The following UBN2 variants were observed in gnomAD, a reference collection of about 807,000 sequenced individuals.
UBN2 encodes the protein ubinuclein-2.
Under a neutral mutation model 120.2 loss-of-function variants are expected in UBN2, and 35 were observed. That is an observed-to-expected ratio of 0.29 (90% CI 0.22 to 0.39). UBN2 has a LOEUF of 0.39. Ranked by LOEUF, UBN2 falls within the 10% of genes least tolerant of loss-of-function variation. The probability of loss-of-function intolerance (pLI) is 1.00; values close to 1 mark genes in which losing one functional copy is unlikely to be tolerated. For missense variants in UBN2, 1,693 were observed against 1,663.2 expected, an observed-to-expected ratio of 1.02 and a Z score of -0.31; for synonymous variants, 661 against 648.7, an observed-to-expected ratio of 1.02 and a Z score of -0.29.
chr7:139,238,491 T>C (rs1264355871), intron 2 of UBN2, among the ~76,000 whole-genome samples: 1 of 152,208 alleles, frequency 6.6e-6, no homozygotes, highest in African/African-American at 2.4e-5. Context: ...TGGTGTGATC[T>C]TGGCTCACTG....
chr7:139,322,314 A>C, the UBN2 span, among the ~76,000 whole-genome samples: 2 of 151,988 alleles, frequency 1.3e-5, no homozygotes, highest in Non-Finnish European at 2.9e-5. Context: ...AAACAAAAAA[A>C]CTCTTTAACC....
At position 139,231,243 on chromosome 7, in the gene UBN2, C is replaced by G. The variant is rs1795996773; in HGVS notation, c.-242C>G. Among the ~76,000 whole-genome samples the G allele has an allele frequency of 6.6e-6, 1 of 152,248 alleles. No homozygotes were observed. Among genetic ancestry groups the G allele is most frequent in the African/African-American group, 2.4e-5 (1 of 41,478 alleles). ...CATGCGCCCGCTCAGCGGCCTGCTT[C>G]TATTTATGTGGGGGATCCAACATGG... On this transcript the variant is annotated 5_prime_UTR_variant, in exon 1 of 18. Coordinates refer to ENST00000473989, the MANE Select transcript of UBN2 (RefSeq NM_173569.4).
the UBN2 span, among the ~76,000 whole-genome samples, chr7:139,326,924 T>C: frequency 1.3e-5 from 2 of 152,334 alleles, no homozygotes; most frequent in Middle Eastern, 6.8e-3. Context: ...TTGGGTGAGG[T>C]TGTTGGCTGT....
At chr7:139,276,168 G>A (rs1401607678) in intron 12 of UBN2, 21 bp downstream of exon 12, 4 of 1,610,720 alleles carry the variant, frequency 2.5e-6, no homozygotes, top group Non-Finnish European at 3.4e-6. Context: ...GCAGACTCCA[G>A]ATTGCTTCAT....
In UBN2 at chr7:139,269,487, A is replaced by G. The variant is rs781090562; in HGVS notation, c.1560A>G (p.Leu520=). 6 of 1,614,046 alleles carry G rather than the reference A, an allele frequency of 3.7e-6. No homozygotes were observed. Among genetic ancestry groups the G allele is most frequent in the Non-Finnish European group, 4.2e-6 (5 of 1,180,034 alleles). The change falls in exon 8 of 18, where the codon CTA becomes CTG. Residue 520 remains leucine (L), a synonymous_variant. Transcript: ENST00000473989. ...TTGTGCCATGCAATAAAGAAACACTAGTAAAACGTCTGAAGAAGTTACATC... is the reference window on the plus strand; with the variant it reads ...TTGTGCCATGCAATAAAGAAACACTGGTAAAACGTCTGAAGAAGTTACATC... The part of the protein sequence containing the change: ...EAFVPCNKET[L]VKRLKKLHLN...
chr7:139,313,260 AG>A, the UBN2 span, among the ~76,000 whole-genome samples: 1 of 152,132 alleles, frequency 6.6e-6, no homozygotes, highest in Admixed American at 6.5e-5. Context: ...AGAATCTTTA[AG>A]TTACAGATTT....
chr7:139,297,782 C>A lies in UBN2; in HGVS notation c.3995-5C>A. On this transcript the variant is annotated splice_region_variant and splice_polypyrimidine_tract_variant and intron_variant, in intron 17 of 17. Transcript: ENST00000473989. The stretch of plus-strand genomic sequence containing the variant: ...CCATACCAATTTAACGTCTCTTTTT[C>A]TCAGATGGAGGCCAAAGTAAAGGGG... 6.2e-7 allele frequency: 1 copy of A among 1,613,870 alleles called. No homozygotes were observed. Among genetic ancestry groups the A allele is most frequent in the South Asian group, 1.1e-5 (1 of 91,070 alleles).
intron 8 of UBN2, among the ~76,000 whole-genome samples, chr7:139,270,058 A>G (rs562475382): frequency 3.9e-4 from 60 of 152,126 alleles, no homozygotes; most frequent in Middle Eastern, 3.4e-3. Flanking sequence ...AAGTTATTTA[A>G]TATCCCTTTG....
At chr7:139,264,358 T>C (rs756856521) in intron 6 of UBN2, among the ~76,000 whole-genome samples, 3 of 152,180 alleles carry the variant, frequency 2.0e-5, no homozygotes, top group Non-Finnish European at 4.4e-5. Context: ...AGCTGGATCA[T>C]TGACTGTATT....
At chr7:139,237,119 CT>C in intron 2 of UBN2, 22 bp downstream of exon 2, 2 of 1,552,752 alleles carry the variant, frequency 1.3e-6, no homozygotes, top group Non-Finnish European at 1.8e-6. Context: ...AAACTGATCA[CT>C]TAGGTAATTT....
chr7:139,312,513 G>A (rs1321065266), downstream of UBN2, among the ~76,000 whole-genome samples: 1 of 152,166 alleles, frequency 6.6e-6, no homozygotes, highest in Admixed American at 6.5e-5. Context: ...TGTCAACTGC[G>A]TGTTGATCTT....
chr7:139,247,653 G>A (rs1203807295), intron 2 of UBN2, among the ~76,000 whole-genome samples: 2 of 152,146 alleles, frequency 1.3e-5, no homozygotes, highest in East Asian at 1.9e-4. Flanking sequence ...TTAGCATTCA[G>A]TGAATGGTAG....
At chr7:139,270,181 A>T (rs1321965952) in intron 8 of UBN2, among the ~76,000 whole-genome samples, 1 of 152,204 alleles carries the variant, frequency 6.6e-6, no homozygotes, top group African/African-American at 2.4e-5. Context: ...TCATATATAT[A>T]AAGAAATACT....
the UBN2 span, among the ~76,000 whole-genome samples, chr7:139,329,819 A>G: frequency 6.6e-6 from 1 of 152,136 alleles, no homozygotes; most frequent in African/African-American, 2.4e-5. Context: ...AGCACCAACA[A>G]ACTGAGAATG....
Position 139,273,358 on chromosome 7 carries a change from G to A in UBN2, c.1777G>A (p.Gly593Arg). Reference sequence around the variant, plus strand: ...TGAAGAGGATGATGATGAGAAACCAGGAAAACGTGTCATAGGACCAAGAAA... The same window carrying A: ...TGAAGAGGATGATGATGAGAAACCAAGAAAACGTGTCATAGGACCAAGAAA... ...GSEEDDDEKP[G>R]KRVIGPRKKF... The change falls in exon 10 of 18, where the codon GGA becomes AGA. Residue 593 changes from glycine (G) to arginine (R), a missense_variant. Physicochemically the swap from Gly to Arg is moderately radical, Grantham distance 125. Transcript: ENST00000473989. 6.2e-7 allele frequency: 1 copy of A among 1,609,746 alleles called. No individual in the cohort carries two copies. Among genetic ancestry groups the A allele is most frequent in the Non-Finnish European group, 8.5e-7 (1 of 1,177,582 alleles).
intron 4 of UBN2, 128 bp from the exon 5 acceptor site, chr7:139,259,139 G>A (rs1796852481): frequency 1.5e-6 from 2 of 1,369,406 alleles, no homozygotes; most frequent in South Asian, 1.6e-5. Context: ...CCAAGGATCT[G>A]CAGTTATAAC....
chr7:139,272,690 C>T (rs1797318450), intron 9 of UBN2, among the ~76,000 whole-genome samples: 1 of 152,030 alleles, frequency 6.6e-6, no homozygotes, highest in Admixed American at 6.6e-5. Flanking sequence ...CCACACCAGG[C>T]TAATTTTTGT....
chr7:139,231,615 G>A lies in UBN2; in HGVS notation c.131G>A (p.Arg44His). ...EPPRLEPQPY[R>H]EPARAEPPAP... ...CCCCGGCTGGAGCCGCAGCCGTACC[G>A]CGAGCCGGCCCGGGCGGAGCCGCCG... The change falls in exon 1 of 18, where the codon CGC becomes CAC. Residue 44 changes from arginine (R) to histidine (H), a missense_variant. Transcript: ENST00000473989. 1 of 1,339,494 alleles carries A rather than the reference G, an allele frequency of 7.5e-7. No individual in the cohort carries two copies. Among genetic ancestry groups the A allele is most frequent in the East Asian group, 3.2e-5 (1 of 31,524 alleles). The allele number at this position is 1,339,494 out of a possible 1,614,324, so 83.0% of individuals were successfully genotyped here.
chr7:139,240,033 T>A (rs1250850514), intron 2 of UBN2, among the ~76,000 whole-genome samples: 2 of 152,242 alleles, frequency 1.3e-5, no homozygotes. Flanking sequence ...CATAGAAAGA[T>A]CAGCGTTCTG....
Sources: gnomAD v4.1 joint callset for allele counts (sites outside exome capture counted in the v4.1 genomes callset) on GRCh38, gnomAD v4.1.1 for gene constraint, MANE v1.5 for transcripts, NCBI Gene and HGNC (gene_info 2026-07-23, HGNC 2026-07-21) for gene names.